PLEKHA5: variants seen among roughly 807,000 people sequenced by gnomAD.
PLEKHA5 encodes pleckstrin homology domain containing A5.
In PLEKHA5, 55 loss-of-function variants were observed where a neutral mutation model predicts 181.9. The ratio of observed to expected loss-of-function variants is 0.30; its 90% CI spans 0.24 to 0.38. PLEKHA5 has a LOEUF of 0.38. PLEKHA5 is among the 10% of genes least tolerant of loss of function. The pLI is 1.00. For synonymous variants in PLEKHA5, 535 were observed against 529.4 expected, an observed-to-expected ratio of 1.01 and a Z score of -0.15; for missense variants, 1,432 against 1,549.5, an observed-to-expected ratio of 0.92 and a Z score of 1.27.
chr12:19,287,448 T>A, intron 12 of PLEKHA5, 25 bp from the exon 13 acceptor site: 1 of 1,487,850 alleles, frequency 6.7e-7, no homozygotes, highest in South Asian at 1.2e-5. Context: ...TACCACAGAA[T>A]TACATTGTGC....
At chr12:19,284,033 C>G (rs951027881) in intron 12 of PLEKHA5, among the ~76,000 whole-genome samples, 25 of 152,030 alleles carry the variant, frequency 1.6e-4, no homozygotes, top group Non-Finnish European at 1.0e-4. Flanking sequence ...CTCCGTGTAG[C>G]TTAACACCAC....
Position 19,257,457 on chromosome 12 carries a change from C to A in PLEKHA5, c.457C>A (p.His153Asn). Residue 153 changes from histidine (H) to asparagine (N), a missense_variant, in exon 6 of 32, where the codon CAT becomes AAT. By Grantham distance (68) the His-to-Asn change is moderately conservative (BLOSUM62 1). Coordinates refer to ENST00000429027, the MANE Select transcript of PLEKHA5 (RefSeq NM_001256470.2). ...GACTTCACGAGCTTCAAAAAAAGTT[C>A]ATAATTTTGGAAAGAGGTCAAATTC... is the stretch of plus-strand genomic sequence containing the variant. ...GRTSRASKKV[H>N]NFGKRSNSIK... is the part of the protein sequence containing the mutation. 6.2e-7 allele frequency: 1 copy of A among 1,600,822 alleles called. No homozygotes were observed. The highest frequency in any genetic ancestry group is 1.7e-5 in the Admixed American group (1 of 59,502).
chr12:19,344,500 G>GT (rs1323874521), intron 22 of PLEKHA5, among the ~76,000 whole-genome samples: 2 of 152,162 alleles, frequency 1.3e-5, no homozygotes, highest in African/African-American at 4.8e-5. Context: ...GATAATGTAT[G>GT]TTGTTTCCAG....
In PLEKHA5 at chr12:19,305,774, C is replaced by T. The variant is rs535980176; in HGVS notation, c.2038-9040C>T. On this transcript the variant is annotated intron_variant, in intron 15 of 31. Coordinates refer to ENST00000429027, the MANE Select transcript of PLEKHA5 (RefSeq NM_001256470.2). ...GCTCGGGAGTCTGAGACAGGAGAAT[C>T]GCTTCAACCTGGGAGTCGGAGGTTG... Among the ~76,000 whole-genome samples, 12 of 143,436 alleles carry T rather than the reference C, an allele frequency of 8.4e-5. No individual in the cohort carries two copies. In the East Asian group the frequency reaches 8.5e-4, roughly 10 times the overall value. 94.1% of individuals were successfully genotyped at this position (143,436 alleles called of 152,430 possible).
At chr12:19,220,850 T>A (rs1269983263) in intron 3 of PLEKHA5, among the ~76,000 whole-genome samples, 1 of 152,146 alleles carries the variant, frequency 6.6e-6, no homozygotes, top group Non-Finnish European at 1.5e-5. Flanking sequence ...GAGCAAATGA[T>A]TTGAACAGAC....
chr12:19,191,775 T>G (rs2051182772), intron 3 of PLEKHA5, among the ~76,000 whole-genome samples: 1 of 152,178 alleles, frequency 6.6e-6, no homozygotes, highest in African/African-American at 2.4e-5. Flanking sequence ...GCTTGAAAGC[T>G]CATGCTGGAG....
At chr12:19,326,493 C>T (rs1328329624) in intron 20 of PLEKHA5, among the ~76,000 whole-genome samples, 1 of 152,182 alleles carries the variant, frequency 6.6e-6, no homozygotes, top group African/African-American at 2.4e-5. Context: ...AACATCTTCT[C>T]CTCACCTGGT....
At chr12:19,362,240 G>A (rs1488320919) in intron 29 of PLEKHA5, among the ~76,000 whole-genome samples, 3 of 142,882 alleles carry the variant, frequency 2.1e-5, no homozygotes, top group African/African-American at 5.1e-5. Context: ...AGATTAATAC[G>A]AAAACACATG....
rs1485001476 is a variant in PLEKHA5, at chr12:19,283,806, A to G, written c.1779+61A>G. On this transcript the variant is annotated intron_variant, in intron 12 of 31. Coordinates refer to ENST00000429027, the MANE Select transcript of PLEKHA5 (RefSeq NM_001256470.2). Reference sequence around the variant, plus strand: ...CTTATAAATGCTGTGTTTTCTTTCTAGTATACTATTTTAAATGTGAGAGAC... The same window carrying G: ...CTTATAAATGCTGTGTTTTCTTTCTGGTATACTATTTTAAATGTGAGAGAC... 6.8e-6 allele frequency: 7 copies of G among 1,034,230 alleles called. No individual in the cohort carries two copies. In the East Asian group the frequency reaches 1.5e-4, roughly 22 times the overall value. The allele number at this position is 1,034,230 out of a possible 1,614,324, so 64.1% of individuals were successfully genotyped here.
chr12:19,131,857 G>A (rs901460071), intron 2 of PLEKHA5, among the ~76,000 whole-genome samples: 2 of 152,080 alleles, frequency 1.3e-5, no homozygotes, highest in African/African-American at 2.4e-5. Flanking sequence ...GAAACTTCAC[G>A]TCTCTTAGTC....
chr12:19,180,797 T>C (rs990141354), intron 3 of PLEKHA5, among the ~76,000 whole-genome samples: 3 of 149,502 alleles, frequency 2.0e-5, no homozygotes, highest in African/African-American at 7.3e-5. Flanking sequence ...ATATAGTGTT[T>C]TTTTTTTTTT....
intron 3 of PLEKHA5, among the ~76,000 whole-genome samples, chr12:19,227,507 C>T (rs994071543): frequency 6.6e-6 from 1 of 152,232 alleles, no homozygotes; most frequent in South Asian, 2.1e-4. Context: ...AGAGTTCCTT[C>T]CATTTTCCTG....
chr12:19,232,994 A>C (rs1413702011), intron 3 of PLEKHA5, among the ~76,000 whole-genome samples: 1 of 152,096 alleles, frequency 6.6e-6, no homozygotes, highest in African/African-American at 2.4e-5. Flanking sequence ...TTTGAAACCT[A>C]CCTCAGGTAA....
At position 19,130,254 on chromosome 12, in the gene PLEKHA5, C is replaced by T; in HGVS notation, c.169+124C>T. 1 of 428,076 alleles carries T rather than the reference C, an allele frequency of 2.3e-6. No individual in the cohort carries two copies. The highest frequency in any genetic ancestry group is 3.7e-6 in the Non-Finnish European group (1 of 267,156). The allele number at this position is 428,076 out of a possible 1,614,324, so 26.5% of individuals were successfully genotyped here. On this transcript the variant is annotated intron_variant, in intron 2 of 31. Transcript: ENST00000429027. The surrounding 1 kb of genome is among the most constrained non-coding windows in gnomAD (Gnocchi z 4.5). ...GGAGGCGGCGAGGCGGGGCGGAGGC[C>T]GGGCGGGAGCGGCCGCAGGTAGAGG...
chr12:19,260,841 CAA>C lies in PLEKHA5; in HGVS notation c.538-107_538-106del, dbSNP rs575175503. On this transcript the variant is annotated intron_variant, in intron 6 of 31. Transcript: ENST00000429027. ...CACCATTGCACTCCAGCCTGGGCAA[CAA>C]GAGCGAAACTCCATCTCAAAAAAAT... 654 of 604,620 alleles carry C rather than the reference CAA, an allele frequency of 1.1e-3. 4 individuals are homozygous for C. In the African/African-American group the frequency reaches 0.012, roughly 11 times the overall value. 37.5% of individuals were successfully genotyped at this position (604,620 alleles called of 1,614,324 possible). A position where few individuals can be genotyped will look rare whatever the true frequency, so the allele number is the denominator to read the frequency against.
At chr12:19,224,942 A>T (rs2059486793) in intron 3 of PLEKHA5, among the ~76,000 whole-genome samples, 1 of 152,134 alleles carries the variant, frequency 6.6e-6, no homozygotes, top group African/African-American at 2.4e-5. Flanking sequence ...TCAAGGCTAT[A>T]GTGTGCTATT....
At chr12:19,280,325 T>C (rs1204292107) in intron 11 of PLEKHA5, among the ~76,000 whole-genome samples, 1 of 152,086 alleles carries the variant, frequency 6.6e-6, no homozygotes, top group African/African-American at 2.4e-5. Context: ...GGTGAGCCGC[T>C]GCACCCAGCC....
At chr12:19,268,499 C>G (rs1000406224) in intron 8 of PLEKHA5, among the ~76,000 whole-genome samples, 1 of 152,192 alleles carries the variant, frequency 6.6e-6, no homozygotes, top group African/African-American at 2.4e-5. Flanking sequence ...TTTCTCTCTT[C>G]TGTGATGTTG....
At chr12:19,340,432 A>C (rs1485063338) in intron 21 of PLEKHA5, among the ~76,000 whole-genome samples, 6 of 42,422 alleles carry the variant, frequency 1.4e-4, no homozygotes, top group Non-Finnish European at 4.7e-4. Flanking sequence ...CTGCCCGGCC[A>C]CCACCCCGTC....
Sources: gnomAD v4.1 joint callset for allele counts (sites outside exome capture counted in the v4.1 genomes callset) on GRCh38, gnomAD v4.1.1 for gene constraint, Gnocchi (gnomAD v3.1) non-coding constraint, MANE v1.5 for transcripts, NCBI Gene and HGNC (gene_info 2026-07-23, HGNC 2026-07-21) for gene names.